Variants in TMEM132C observed in about 807,000 individuals in gnomAD.
TMEM132C encodes the protein transmembrane protein 132C.
Under a neutral mutation model 61.4 loss-of-function variants are expected in TMEM132C, and 29 were observed. That is an observed-to-expected ratio of 0.47 (90% confidence interval 0.35 to 0.64). TMEM132C has a LOEUF of 0.64. Among genes scored for constraint, TMEM132C ranks in the 30% least tolerant of loss-of-function variants. TMEM132C has a pLI of 0.00. For missense variants in TMEM132C, 1,408 were observed against 1,476.9 expected (o/e 0.95, Z 0.76); for synonymous variants, 656 against 633.1 (o/e 1.04, Z -0.54).
intron 1 of TMEM132C, among the ~76,000 whole-genome samples, chr12:128,348,914 G>A (rs899056891): frequency 6.6e-6 from 1 of 152,174 alleles, no homozygotes; most frequent in African/African-American, 2.4e-5. Context: ...AATACCAGTT[G>A]CCAATTATGA....
intron 2 of TMEM132C, among the ~76,000 whole-genome samples, chr12:128,505,885 C>A (rs888771282): frequency 1.5e-5 from 2 of 136,624 alleles, no homozygotes; most frequent in South Asian, 4.5e-4. Context: ...AGTGGTCAGA[C>A]CCGTGGGATT....
At chr12:128,401,759 A>G (rs1385947408) in intron 1 of TMEM132C, among the ~76,000 whole-genome samples, 2 of 152,278 alleles carry the variant, frequency 1.3e-5, no homozygotes, top group East Asian at 3.9e-4. Flanking sequence ...CCAGTGGGGC[A>G]GCGTCATGCA....
chr12:128,376,153 TGA>T (rs1183412113), intron 1 of TMEM132C, among the ~76,000 whole-genome samples: 1 of 152,254 alleles, frequency 6.6e-6, no homozygotes, highest in Admixed American at 6.5e-5. Context: ...TAAGAATGTT[TGA>T]AATCATCAGT....
intron 1 of TMEM132C, among the ~76,000 whole-genome samples, chr12:128,383,048 G>A (rs150505305): frequency 2.4e-3 from 368 of 152,158 alleles, no homozygotes; most frequent in African/African-American, 7.7e-3. Flanking sequence ...GTGTGTGCAC[G>A]TGAGCATCTG....
At chr12:128,696,773 C>T (rs1324514446) in intron 7 of TMEM132C, among the ~76,000 whole-genome samples, 1 of 152,182 alleles carries the variant, frequency 6.6e-6, no homozygotes, top group Non-Finnish European at 1.5e-5. Context: ...ATTTGGCTTA[C>T]AAGATGAGGC....
At chr12:128,546,409 A>C (rs1873952445) in intron 3 of TMEM132C, among the ~76,000 whole-genome samples, 1 of 152,146 alleles carries the variant, frequency 6.6e-6, no homozygotes, top group African/African-American at 2.4e-5. Context: ...TGGGAACCTG[A>C]ATGAGAAGCA....
intron 2 of TMEM132C, among the ~76,000 whole-genome samples, chr12:128,466,385 T>C (rs1450616322): frequency 3.9e-5 from 6 of 152,254 alleles, no homozygotes; most frequent in Non-Finnish European, 8.8e-5. Context: ...ATTTTACCAA[T>C]TTAATGGCCA....
chr12:128,493,037 G>A (rs1038892673), intron 2 of TMEM132C, among the ~76,000 whole-genome samples: 5 of 152,140 alleles, frequency 3.3e-5, no homozygotes, highest in African/African-American at 1.2e-4. Context: ...TAAGGTGTAA[G>A]GAAGGGATCC....
intron 2 of TMEM132C, among the ~76,000 whole-genome samples, chr12:128,431,314 C>T (rs1869380028): frequency 6.6e-6 from 1 of 152,162 alleles, no homozygotes; most frequent in African/African-American, 2.4e-5. Flanking sequence ...GGTGAGGAAG[C>T]TGCAGAAGAA....
intron 4 of TMEM132C, among the ~76,000 whole-genome samples, chr12:128,653,307 G>A (rs1238899867): frequency 3.9e-5 from 6 of 152,286 alleles, no homozygotes; most frequent in African/African-American, 7.2e-5. Context: ...GATTAGAGTC[G>A]CCTTCTGGCA....
At chr12:128,460,245 G>T (rs1593061474) in intron 2 of TMEM132C, among the ~76,000 whole-genome samples, 1 of 152,138 alleles carries the variant, frequency 6.6e-6, no homozygotes, top group Non-Finnish European at 1.5e-5. Flanking sequence ...CAAACTTCAG[G>T]CATGGCTGGA....
chr12:128,360,320 A>G (rs574635395), intron 1 of TMEM132C, among the ~76,000 whole-genome samples: 1 of 152,120 alleles, frequency 6.6e-6, no homozygotes, highest in Admixed American at 6.6e-5. Context: ...AGGAATCTAG[A>G]TTTGATTGGA....
chr12:128,617,300 G>A (rs2135584533), intron 4 of TMEM132C, among the ~76,000 whole-genome samples: 1 of 152,302 alleles, frequency 6.6e-6, no homozygotes, highest in East Asian at 1.9e-4. Flanking sequence ...GTCACAAGGT[G>A]GCCCCGGCAA....
At chr12:128,475,244 T>G (rs539226749) in intron 2 of TMEM132C, among the ~76,000 whole-genome samples, 8 of 152,310 alleles carry the variant, frequency 5.3e-5, no homozygotes, top group African/African-American at 1.9e-4. Flanking sequence ...GACCTGCGAT[T>G]TCTTTTTTCT....
At chr12:128,656,277 C>G (rs1363589888) in intron 4 of TMEM132C, among the ~76,000 whole-genome samples, 1 of 152,170 alleles carries the variant, frequency 6.6e-6, no homozygotes, top group Non-Finnish European at 1.5e-5. Flanking sequence ...TCTCGAACTC[C>G]TGACCTCAAG....
chr12:128,419,361 A>G (rs576519744), intron 2 of TMEM132C, among the ~76,000 whole-genome samples: 1 of 152,156 alleles, frequency 6.6e-6, no homozygotes, highest in Non-Finnish European at 1.5e-5. Flanking sequence ...ATGAACAGCA[A>G]ACTCTCTAGG....
chr12:128,683,966 G>GA (rs1954654673), intron 5 of TMEM132C, among the ~76,000 whole-genome samples: 1 of 120,766 alleles, frequency 8.3e-6, no homozygotes, highest in African/African-American at 3.1e-5. Flanking sequence ...AACTCTGTTT[G>GA]AAATTAAATA....
rs368296844 is a variant in TMEM132C, at chr12:128,581,710, G to A, written c.1122-34442G>A. 2.0e-5 allele frequency among the ~76,000 whole-genome samples: 3 copies of A among 152,182 alleles called. No homozygotes were observed. In the South Asian group the frequency reaches 6.2e-4, roughly 31 times the overall value. On this transcript the variant is annotated intron_variant, in intron 3 of 8. Transcript: ENST00000435159. Reference sequence around the variant, plus strand: ...TCTTCTCTTTTTACTGCATTAGCTCGAGGGGGCTCTGGTTCAGGGCGATCT... The same window carrying A: ...TCTTCTCTTTTTACTGCATTAGCTCAAGGGGGCTCTGGTTCAGGGCGATCT...
At chr12:128,428,828 T>C (rs1373963263) in intron 2 of TMEM132C, among the ~76,000 whole-genome samples, 1 of 152,206 alleles carries the variant, frequency 6.6e-6, no homozygotes, top group Non-Finnish European at 1.5e-5. Context: ...CTTCAGTTTC[T>C]ACATAGAGAT....
Sources: allele counts gnomAD v4.1 joint callset (sites outside exome capture counted in the v4.1 genomes callset), GRCh38; gene constraint gnomAD v4.1.1; transcripts MANE v1.5; gene names NCBI Gene and HGNC (gene_info 2026-07-23, HGNC 2026-07-21).